Variants in SNX25 observed in about 807,000 individuals in gnomAD.
SNX25 encodes the protein sorting nexin-25.
A neutral mutation model predicts 113.7 loss-of-function variants in SNX25; 62 were observed. The observed-to-expected ratio is 0.55, with a 90% CI of 0.44 to 0.67. SNX25 has a LOEUF of 0.67. Among genes scored for constraint, SNX25 ranks in the 30% least tolerant of loss-of-function variants. SNX25 has a pLI of 0.00. For missense variants in SNX25, 1,014 were observed against 1,161.0 expected (o/e 0.87, Z 1.84); for synonymous variants, 421 against 436.2 (o/e 0.97, Z 0.43).
intron 6 of SNX25, among the ~76,000 whole-genome samples, chr4:185,295,083 C>T (rs1752667236): frequency 6.6e-6 from 1 of 152,048 alleles, no homozygotes; most frequent in Admixed American, 6.6e-5. Context: ...TGTGTTTCCC[C>T]CTCCCATAAA....
chr4:185,244,078 G>T (rs1043664182), intron 1 of SNX25, among the ~76,000 whole-genome samples: 1 of 152,078 alleles, frequency 6.6e-6, no homozygotes, highest in African/African-American at 2.4e-5. Context: ...GGTCACCGCA[G>T]CCTGCATCTC....
intron 1 of SNX25, among the ~76,000 whole-genome samples, chr4:185,218,382 G>A (rs940236837): frequency 3.3e-5 from 5 of 152,252 alleles, no homozygotes; most frequent in Non-Finnish European, 1.5e-5. Flanking sequence ...ACCACTCCTG[G>A]CCTGCTTCTG....
downstream of SNX25, chr4:185,364,313 C>T (rs2095379113): frequency 6.6e-6 from 1 of 152,094 alleles, no homozygotes; most frequent in Admixed American, 6.6e-5. Context: ...ACCACAGGGA[C>T]ATTAGGGGAG....
At position 185,362,635 on chromosome 4, in the gene SNX25, A is replaced by G. The variant is rs1348139837; in HGVS notation, c.2858A>G (p.Gln953Arg). 1 of 1,614,132 alleles carries G rather than the reference A, an allele frequency of 6.2e-7. No individual in the cohort carries two copies. The highest frequency in any genetic ancestry group is 2.2e-5 in the East Asian group (1 of 44,880). The change falls in exon 18 of 19, where the codon CAG (glutamine) becomes CGG (arginine). Residue 953 changes from glutamine (Q) to arginine (R), a missense_variant. Transcript: ENST00000652585. The part of the protein sequence containing the change: ...IPDMLQSLVG[Q>R]QNARHGIIKI... ...GATATGCTTCAGAGCCTTGTTGGAC[A>G]GCAAAATGCCCGCCACGGTATAATA...
At chr4:185,215,110 T>C (rs1738581009) in intron 1 of SNX25, among the ~76,000 whole-genome samples, 1 of 152,002 alleles carries the variant, frequency 6.6e-6, no homozygotes, top group East Asian at 1.9e-4. Flanking sequence ...GCGCCTGTAG[T>C]CCCAGCTACT....
chr4:185,302,099 T>G (rs1753773432), intron 6 of SNX25, among the ~76,000 whole-genome samples: 1 of 116,760 alleles, frequency 8.6e-6, no homozygotes, highest in Non-Finnish European at 1.9e-5. Context: ...GTGTTTTTTT[T>G]GTTTTTTTTT....
intron 5 of SNX25, among the ~76,000 whole-genome samples, chr4:185,280,112 T>C (rs1418088957): frequency 6.6e-6 from 1 of 152,156 alleles, no homozygotes; most frequent in Non-Finnish European, 1.5e-5. Context: ...GTATTTTCTG[T>C]AGAGACGAGG....
intron 1 of SNX25, among the ~76,000 whole-genome samples, chr4:185,224,450 T>TATAG (rs553047513): frequency 1.1e-4 from 2 of 18,510 alleles, no homozygotes; most frequent in Non-Finnish European, 2.6e-4. Context: ...TATATAAATA[T>TATAG]ATATATAGAT....
At chr4:185,348,427 C>G (rs891763228) in intron 13 of SNX25, among the ~76,000 whole-genome samples, 5 of 151,142 alleles carry the variant, frequency 3.3e-5, no homozygotes, top group Admixed American at 6.6e-5. Context: ...GACTCTTGCT[C>G]TCTTGTCCAG....
At chr4:185,307,020 A>G (rs1189881774) in intron 6 of SNX25, among the ~76,000 whole-genome samples, 1 of 152,244 alleles carries the variant, frequency 6.6e-6, no homozygotes, top group African/African-American at 2.4e-5. Context: ...GTCTGATAAT[A>G]CCTGACAGAT....
chr4:185,212,464 TG>T (rs879696960), intron 1 of SNX25, among the ~76,000 whole-genome samples: 2,082 of 36,474 alleles, frequency 0.057, 128 homozygotes, highest in Middle Eastern at 0.1. Context: ...ATTTGTGTGA[TG>T]TGTGTGTGTG....
At chr4:185,261,297 C>T (rs1252867334) in intron 3 of SNX25, among the ~76,000 whole-genome samples, 1 of 152,068 alleles carries the variant, frequency 6.6e-6, no homozygotes, top group Non-Finnish European at 1.5e-5. Flanking sequence ...GTGCCTTAGC[C>T]CCCTGAGTAG....
At chr4:185,260,894 C>T (rs555580858) in intron 3 of SNX25, among the ~76,000 whole-genome samples, 2 of 152,096 alleles carry the variant, frequency 1.3e-5, no homozygotes, top group African/African-American at 4.8e-5. Flanking sequence ...CCTGAGTTAC[C>T]TCCTAGAATC....
intron 1 of SNX25, among the ~76,000 whole-genome samples, chr4:185,224,658 A>G (rs1319812458): frequency 2.0e-5 from 3 of 147,254 alleles, no homozygotes; most frequent in African/African-American, 7.4e-5. Context: ...AATATATATA[A>G]GTATATATAA....
chr4:185,357,790 C>G (rs1031110469), intron 16 of SNX25, 53 bp downstream of exon 16: 1 of 1,403,232 alleles, frequency 7.1e-7, no homozygotes, highest in Admixed American at 1.7e-5. Flanking sequence ...TTTGCCTTGA[C>G]AGTCAAATTA....
At chr4:185,309,428 A>G (rs1028233240) in intron 6 of SNX25, among the ~76,000 whole-genome samples, 2 of 152,224 alleles carry the variant, frequency 1.3e-5, no homozygotes, top group African/African-American at 2.4e-5. Flanking sequence ...AGCATGTGAG[A>G]TGGAAGACAT....
chr4:185,348,543 C>T (rs72712006), intron 13 of SNX25, among the ~76,000 whole-genome samples: 21,461 of 152,052 alleles, frequency 0.14, 1,643 homozygotes, highest in Admixed American at 0.19. Context: ...CAGACAGGCT[C>T]ATGCCACCAC....
At chr4:185,378,601 A>G in the SNX25 span, 14 of 994,946 alleles carry the variant, frequency 1.4e-5, no homozygotes, top group Non-Finnish European at 1.6e-5. Context: ...ACTGACACTC[A>G]TCGGACGAAT....
chr4:185,224,490 A>AATAT (rs1320212946), intron 1 of SNX25, among the ~76,000 whole-genome samples: 1 of 132,986 alleles, frequency 7.5e-6, no homozygotes, highest in Admixed American at 8.3e-5. Flanking sequence ...TAGATATATA[A>AATAT]ATAGATATAT....
Sources: allele counts gnomAD v4.1 joint callset (sites outside exome capture counted in the v4.1 genomes callset), GRCh38; gene constraint gnomAD v4.1.1; transcripts MANE v1.5; gene names NCBI Gene and HGNC (gene_info 2026-07-23, HGNC 2026-07-21).